The following GALNT10 variants were observed in gnomAD, a reference collection of about 807,000 sequenced individuals.
GALNT10 encodes the protein polypeptide N-acetylgalactosaminyltransferase 10, also known as GalNAc transferase 10.
In GALNT10, 41 loss-of-function variants were observed where a neutral mutation model predicts 75.0. The ratio of observed to expected loss-of-function variants is 0.55; its 90% CI spans 0.43 to 0.71. GALNT10 has a LOEUF of 0.71. Among genes scored for constraint, GALNT10 ranks in the 30% least tolerant of loss-of-function variants. The pLI is 0.00. For synonymous variants in GALNT10, 302 were observed against 313.0 expected, an observed-to-expected ratio of 0.96 and a Z score of 0.37; for missense variants, 727 against 818.5, an observed-to-expected ratio of 0.89 and a Z score of 1.36.
chr5:154,407,536 C>T (rs1477581123), intron 8 of GALNT10, among the ~76,000 whole-genome samples: 4 of 152,060 alleles, frequency 2.6e-5, no homozygotes, highest in African/African-American at 7.2e-5. Context: ...CATTCTTAAC[C>T]AGTCTGGCCA....
chr5:154,259,053 C>T (rs571590404), intron 1 of GALNT10, among the ~76,000 whole-genome samples: 4 of 152,142 alleles, frequency 2.6e-5, no homozygotes. Context: ...ATTATTGAAA[C>T]AATATTATTA....
At position 154,402,404 on chromosome 5, in the gene GALNT10, C is replaced by T. The variant is rs540057214; in HGVS notation, c.1057-1700C>T. ...CCTTCCGAAGTGAGGCTTTCCCTGA[C>T]TGGGGAGCATAAAGTAGCATCTCTC... On this transcript the variant is annotated intron_variant, in intron 7 of 11. Coordinates refer to ENST00000297107, the MANE Select transcript of GALNT10 (RefSeq NM_198321.4). This position sits in a 1 kb window ranked among gnomAD's most constrained non-coding sequence, Gnocchi z 4.2. Among the ~76,000 whole-genome samples the T allele has an allele frequency of 3.3e-5, 5 of 152,258 alleles. No individual in the cohort carries two copies. Among genetic ancestry groups the T allele is most frequent in the Non-Finnish European group, 7.3e-5 (5 of 68,050 alleles).
intron 7 of GALNT10, among the ~76,000 whole-genome samples, chr5:154,401,868 G>A (rs1336721996): frequency 6.6e-6 from 1 of 152,156 alleles, no homozygotes; most frequent in Admixed American, 6.5e-5. Context: ...ACTGAAAAGA[G>A]CACTTTTGCA....
chr5:154,205,029 C>T (rs570864685), intron 1 of GALNT10, among the ~76,000 whole-genome samples: 1 of 152,316 alleles, frequency 6.6e-6, no homozygotes, highest in Admixed American at 6.5e-5. Flanking sequence ...AGGACTCTGA[C>T]TTCTCCATGT....
chr5:154,301,759 T>TCTG lies in GALNT10; in HGVS notation c.401+3680_401+3681insCTG, dbSNP rs1482508145. On this transcript the variant is annotated intron_variant, in intron 3 of 11. Coordinates refer to ENST00000297107, the MANE Select transcript of GALNT10 (RefSeq NM_198321.4). The stretch of plus-strand genomic sequence containing the variant: ...TTTCTTTAAAATCTGGTACATTTTA[T>TCTG]GTATTATGAGCATTGCTCTGAGAAG... Among the ~76,000 whole-genome samples the TCTG allele has an allele frequency of 1.9e-4, 29 of 152,292 alleles. No individual in the cohort carries two copies. The East Asian group carries it at 5.2e-3, about 27-fold the overall frequency.
In GALNT10 at chr5:154,391,417, C is replaced by T. The variant is rs113249369; in HGVS notation, c.1056+4987C>T. ...ATCCCCAAAAAGTGTCCCAACAGCT[C>T]TGAAATTTCTAGAAAAGTCATTGAC... On this transcript the variant is annotated intron_variant, in intron 7 of 11. Transcript: ENST00000297107. Among the ~76,000 whole-genome samples, 419 of 152,328 alleles carry T rather than the reference C, an allele frequency of 2.8e-3. 3 individuals carry two copies. The highest frequency in any genetic ancestry group is 0.01 in the Middle Eastern group (3 of 294).
chr5:154,341,547 A>G (rs144312159), intron 4 of GALNT10, among the ~76,000 whole-genome samples: 299 of 152,308 alleles, frequency 2.0e-3, no homozygotes, highest in African/African-American at 6.9e-3. Context: ...CATATGGTTT[A>G]GAATATTCTA....
At chr5:154,345,453 C>T (rs1755106380) in intron 4 of GALNT10, among the ~76,000 whole-genome samples, 2 of 152,036 alleles carry the variant, frequency 1.3e-5, no homozygotes, top group Admixed American at 1.3e-4. Flanking sequence ...CTCCCTATTT[C>T]CCCCACCCGG....
chr5:154,207,806 G>A (rs1297036970), intron 1 of GALNT10, among the ~76,000 whole-genome samples: 1 of 152,198 alleles, frequency 6.6e-6, no homozygotes, highest in African/African-American at 2.4e-5. Flanking sequence ...CCCCAGGAGT[G>A]GGGCTGGGAG....
At chr5:154,372,842 T>A (rs914981028) in intron 4 of GALNT10, among the ~76,000 whole-genome samples, 3 of 152,188 alleles carry the variant, frequency 2.0e-5, no homozygotes, top group Non-Finnish European at 2.9e-5. Flanking sequence ...CAGATGTGTG[T>A]GCCACAGAAT....
intron 1 of GALNT10, among the ~76,000 whole-genome samples, chr5:154,254,616 A>G (rs1254609044): frequency 7.0e-6 from 1 of 143,316 alleles, no homozygotes; most frequent in African/African-American, 2.9e-5. Flanking sequence ...ACCTCTTTGA[A>G]AAAAGTCTGT....
rs1754144806 is a variant in GALNT10 at position 154,288,417 on chromosome 5, TGTGTGTGTGTG to T, written c.160-6398_160-6388del. 2.3e-5 allele frequency among the ~76,000 whole-genome samples: 3 copies of T among 130,030 alleles called. No individual in the cohort carries two copies. The South Asian group carries it at 6.4e-4, about 28-fold the overall frequency. 85.3% of individuals were successfully genotyped at this position (130,030 alleles called of 152,430 possible). ...AAGATTAAAATTCCATTTGTGTGTG[TGTGTGTGTGTG>T]TGTGTGTGTGTGTGTTTGAACACTA... On this transcript the variant is annotated intron_variant, in intron 1 of 11. Coordinates refer to ENST00000297107, the MANE Select transcript of GALNT10 (RefSeq NM_198321.4).
At chr5:154,196,677 A>G (rs1201191215) in intron 1 of GALNT10, among the ~76,000 whole-genome samples, 1 of 152,142 alleles carries the variant, frequency 6.6e-6, no homozygotes, top group East Asian at 1.9e-4. Flanking sequence ...TCTACAAAAG[A>G]CAGAGAACAT....
chr5:154,288,408 T>TTGTGTGTGTGTGTG (rs10534031), intron 1 of GALNT10, among the ~76,000 whole-genome samples: 233 of 122,606 alleles, frequency 1.9e-3, no homozygotes, highest in African/African-American at 4.8e-3. Flanking sequence ...AAAATTCCAT[T>TTGTGTGTGTGTGTG]TGTGTGTGTG....
intron 4 of GALNT10, among the ~76,000 whole-genome samples, chr5:154,353,574 C>T (rs1463853765): frequency 3.9e-5 from 6 of 152,224 alleles, no homozygotes; most frequent in East Asian, 3.8e-4. Context: ...CTTTCTCTGC[C>T]GAGCCCTTGC....
chr5:154,208,851 A>G (rs1775149833), intron 1 of GALNT10, among the ~76,000 whole-genome samples: 1 of 152,194 alleles, frequency 6.6e-6, no homozygotes, highest in African/African-American at 2.4e-5. Flanking sequence ...CAGATAGAGG[A>G]ACAGCTCCTA....
chr5:154,213,801 C>T (rs571956896), intron 1 of GALNT10, among the ~76,000 whole-genome samples: 2 of 152,242 alleles, frequency 1.3e-5, no homozygotes, highest in African/African-American at 4.8e-5. Flanking sequence ...AGGCTGGTCT[C>T]AAGACTCCTG....
chr5:154,323,604 C>G lies in GALNT10; in HGVS notation c.402-5968C>G, dbSNP rs114335348. On this transcript the variant is annotated intron_variant, in intron 3 of 11. Coordinates refer to ENST00000297107, the MANE Select transcript of GALNT10 (RefSeq NM_198321.4). Reference sequence around the variant, plus strand: ...CCAGGCAGTCAGGTGATGTATGTAGCGGGGGCAGGTATGGACAGGGAGGTC... The same window carrying G: ...CCAGGCAGTCAGGTGATGTATGTAGGGGGGGCAGGTATGGACAGGGAGGTC... Among the ~76,000 whole-genome samples, 265 of 152,270 alleles carry G rather than the reference C, an allele frequency of 1.7e-3. 1 individual carries two copies. The highest frequency in any genetic ancestry group is 6.0e-3 in the African/African-American group (251 of 41,554).
In GALNT10 at chr5:154,404,109, G is replaced by C; in HGVS notation, c.1062G>C (p.Trp354Cys). The C allele has an allele frequency of 6.2e-7, 1 of 1,612,532 alleles. No individual in the cohort carries two copies. The change falls in exon 8 of 12, where the codon TGG becomes TGC. Residue 354 changes from tryptophan to cysteine, a missense_variant. Trp to Cys is a radical substitution (Grantham distance 215). Transcript: ENST00000297107. ...TCTTCCTTCTTGCCATGCAGGTGTG[G>C]ATGTGTGGGGGCCGCATGGAGGACA... The part of the protein sequence containing the change: ...GEQYEISFKV[W>C]MCGGRMEDIP...
Sources: allele counts gnomAD v4.1 joint callset (sites outside exome capture counted in the v4.1 genomes callset), GRCh38; gene constraint gnomAD v4.1.1; non-coding constraint Gnocchi (gnomAD v3.1); transcripts MANE v1.5; gene names NCBI Gene and HGNC (gene_info 2026-07-23, HGNC 2026-07-21).